Variants in LAMA2 observed in about 807,000 individuals in gnomAD.
LAMA2 encodes laminin subunit alpha-2.
In LAMA2, 269 loss-of-function variants were observed where a neutral mutation model predicts 364.8. That is an observed-to-expected ratio of 0.74 (90% CI 0.67 to 0.82). The LOEUF (loss-of-function observed/expected upper bound fraction) is 0.82. Ranked by LOEUF, LAMA2 falls within the 40% of genes least tolerant of loss-of-function variation. LAMA2 has a pLI of 0.00. For missense variants in LAMA2, 3,807 were observed against 3,873.2 expected (o/e 0.98, Z 0.45); for synonymous variants, 1,379 against 1,370.6 (o/e 1.01, Z -0.14).
intron 51 of LAMA2, among the ~76,000 whole-genome samples, chr6:129,470,044 T>C (rs1783735322): frequency 6.6e-6 from 1 of 151,866 alleles, no homozygotes; most frequent in Non-Finnish European, 1.5e-5. Context: ...TGCAGGTGTA[T>C]ACAATTACAT....
intron 12 of LAMA2, among the ~76,000 whole-genome samples, chr6:129,201,236 G>A (rs1216659146): frequency 6.6e-6 from 1 of 152,134 alleles, no homozygotes; most frequent in East Asian, 1.9e-4. Context: ...TGAGAAAAAA[G>A]CCAAACACAG....
Position 129,465,321 on chromosome 6 carries a change from C to T in LAMA2, c.7300+32C>T. On this transcript the variant is annotated intron_variant, in intron 51 of 64. Transcript: ENST00000421865. ...TTTTACAGTAATAATGCAATATAGG[C>T]CTTAATCATGAAATCCAAAGTGCAC... 1.9e-6 allele frequency: 3 copies of T among 1,560,708 alleles called. No individual in the cohort carries two copies. The South Asian group carries it at 3.3e-5, about 17-fold the overall frequency.
intron 34 of LAMA2, among the ~76,000 whole-genome samples, chr6:129,372,233 A>G (rs1047762795): frequency 3.9e-5 from 6 of 152,146 alleles, no homozygotes; most frequent in African/African-American, 1.2e-4. Flanking sequence ...GCATTATGAC[A>G]TGTGTCCACC....
chr6:129,164,479 A>G (rs150134026), intron 8 of LAMA2, among the ~76,000 whole-genome samples: 435 of 152,302 alleles, frequency 2.9e-3, no homozygotes, highest in African/African-American at 0.01. Context: ...GGAGAATACA[A>G]TGCAGACACT....
At position 129,505,669 on chromosome 6, in the gene LAMA2, T is replaced by C. The variant is rs144535496; in HGVS notation, c.8703+314T>C. Reference sequence around the variant, plus strand: ...GACTACAGGTGCCTACCACCACGCCTGGCTAATTTTTTGTACTTTTAATAG... The same window carrying C: ...GACTACAGGTGCCTACCACCACGCCCGGCTAATTTTTTGTACTTTTAATAG... On this transcript the variant is annotated intron_variant, in intron 61 of 64. Transcript: ENST00000421865. Among the ~76,000 whole-genome samples, 2,749 of 152,038 alleles carry C rather than the reference T, an allele frequency of 0.018. 31 individuals are homozygous for C. Among genetic ancestry groups the C allele is most frequent in the African/African-American group, 0.037 (1,530 of 41,486 alleles).
At chr6:129,104,809 A>G (rs1038628506) in intron 4 of LAMA2, among the ~76,000 whole-genome samples, 3 of 152,104 alleles carry the variant, frequency 2.0e-5, no homozygotes, top group Non-Finnish European at 4.4e-5. Flanking sequence ...GAGATCAACA[A>G]ATGTTAGAGA....
intron 12 of LAMA2, among the ~76,000 whole-genome samples, chr6:129,211,049 A>G (rs1783070111): frequency 6.6e-6 from 1 of 152,222 alleles, no homozygotes; most frequent in African/African-American, 2.4e-5. Context: ...GGAAAACATG[A>G]TACAAACAGA....
chr6:129,261,305 T>G (rs1240940924), intron 15 of LAMA2, among the ~76,000 whole-genome samples: 2 of 152,076 alleles, frequency 1.3e-5, no homozygotes, highest in Non-Finnish European at 2.9e-5. Context: ...ATATAATATA[T>G]GGAAAAAATA....
At chr6:129,475,553 C>A in intron 53 of LAMA2, 152 bp downstream of exon 53, 1 of 587,660 alleles carries the variant, frequency 1.7e-6, no homozygotes, top group Non-Finnish European at 3.0e-6. Context: ...TGTGAGAGTT[C>A]TCCTGCTGCC....
chr6:128,968,836 G>C (rs754882499), intron 1 of LAMA2, among the ~76,000 whole-genome samples: 1 of 152,130 alleles, frequency 6.6e-6, no homozygotes. Context: ...GTAGGAGTCA[G>C]ATCACGTGGG....
intron 22 of LAMA2, among the ~76,000 whole-genome samples, chr6:129,310,183 G>A (rs1774132317): frequency 6.6e-6 from 1 of 152,152 alleles, no homozygotes. Flanking sequence ...ACAGGCGTGA[G>A]CCACCGCGCC....
Position 129,328,394 on chromosome 6 carries a change from T to C in LAMA2, c.4293T>C (p.Pro1431=), listed in dbSNP as rs1264311595. The change falls in exon 29 of 65, where the codon CCT becomes CCC. Residue 1431 remains proline, a synonymous_variant. Transcript: ENST00000421865. ...ATGGACACAGCAGCCTGTGTGACCC[T>C]GAAACATCGATATGCCAGGTAGTCC... ...QCNGHSSLCD[P]ETSICQNCQH... 6.2e-7 allele frequency: 1 copy of C among 1,614,184 alleles called. No homozygotes were observed. Among genetic ancestry groups the C allele is most frequent in the Non-Finnish European group, 8.5e-7 (1 of 1,180,018 alleles).
intron 8 of LAMA2, among the ~76,000 whole-genome samples, chr6:129,161,232 A>G (rs998884033): frequency 2.6e-5 from 4 of 152,008 alleles, no homozygotes; most frequent in Admixed American, 1.3e-4. Context: ...CTTACTCTGT[A>G]TGGTATGTTT....
chr6:129,215,376 A>G (rs1187971783), intron 12 of LAMA2, among the ~76,000 whole-genome samples: 1 of 152,170 alleles, frequency 6.6e-6, no homozygotes, highest in Non-Finnish European at 1.5e-5. Flanking sequence ...TTCTAATCCT[A>G]TATCAAAGCT....
chr6:129,386,578 A>G (rs1490932221), intron 35 of LAMA2, among the ~76,000 whole-genome samples: 1 of 152,186 alleles, frequency 6.6e-6, no homozygotes, highest in Non-Finnish European at 1.5e-5. Context: ...ACAGTTCACC[A>G]TACAAAAATA....
At chr6:129,473,418 G>T in intron 52 of LAMA2, 66 bp downstream of exon 52, 4 of 1,463,994 alleles carry the variant, frequency 2.7e-6, no homozygotes, top group Middle Eastern at 1.7e-4. Flanking sequence ...GCTCACTAGA[G>T]TTCTGAAGTT....
intron 56 of LAMA2, among the ~76,000 whole-genome samples, 157 bp downstream of exon 56, chr6:129,486,779 T>A (rs1482197525): frequency 2.0e-5 from 3 of 152,358 alleles, no homozygotes; most frequent in Non-Finnish European, 4.4e-5. Context: ...TTACTTTTCA[T>A]ACTTCGGGAA....
chr6:128,894,174 G>A (rs193082776), intron 1 of LAMA2, among the ~76,000 whole-genome samples: 3 of 152,090 alleles, frequency 2.0e-5, no homozygotes, highest in Admixed American at 1.3e-4. Context: ...TAAAATCTAC[G>A]GATCTATCTT....
At chr6:129,218,052 C>T (rs905364936) in intron 12 of LAMA2, among the ~76,000 whole-genome samples, 1 of 152,128 alleles carries the variant, frequency 6.6e-6, no homozygotes, top group African/African-American at 2.4e-5. Context: ...AGTGCAGAAA[C>T]TATCTGTAAT....
Sources: allele counts gnomAD v4.1 joint callset (sites outside exome capture counted in the v4.1 genomes callset), GRCh38; gene constraint gnomAD v4.1.1; transcripts MANE v1.5; gene names NCBI Gene and HGNC (gene_info 2026-07-23, HGNC 2026-07-21).